Variants in EDNRA observed in about 807,000 individuals in gnomAD.
EDNRA encodes endothelin-1 receptor.
Under a neutral mutation model 41.4 loss-of-function variants are expected in EDNRA, and 11 were observed. The ratio of observed to expected loss-of-function variants is 0.27; its 90% confidence interval spans 0.17 to 0.44. The LOEUF (loss-of-function observed/expected upper bound fraction) is 0.44. Ranked by LOEUF, EDNRA falls within the 20% of genes least tolerant of loss-of-function variation. The probability of loss-of-function intolerance (pLI) is 1.00; values close to 1 mark genes in which losing one functional copy is unlikely to be tolerated. For synonymous variants in EDNRA, 172 were observed against 183.0 expected, an observed-to-expected ratio of 0.94 and a Z score of 0.49; for missense variants, 294 against 531.0, an observed-to-expected ratio of 0.55 and a Z score of 4.39.
chr4:147,485,125 A>T (rs913164973), intron 1 of EDNRA, among the ~76,000 whole-genome samples: 1 of 148,886 alleles, frequency 6.7e-6, no homozygotes. Flanking sequence ...TCAACTCTTG[A>T]AGATTTTTGT....
chr4:147,497,851 C>G (rs1052369038), intron 2 of EDNRA, among the ~76,000 whole-genome samples: 3 of 152,064 alleles, frequency 2.0e-5, no homozygotes, highest in Non-Finnish European at 2.9e-5. Context: ...GATTACAGGC[C>G]TGAGCCACCG....
intron 2 of EDNRA, among the ~76,000 whole-genome samples, chr4:147,505,700 G>A (rs1729686002): frequency 7.0e-6 from 1 of 142,650 alleles, no homozygotes; most frequent in Admixed American, 7.1e-5. Flanking sequence ...CCAGACTGGA[G>A]TGCAGTGGCG....
intron 2 of EDNRA, chr4:147,495,056 T>C (rs570172197): frequency 6.6e-6 from 1 of 152,174 alleles, no homozygotes; most frequent in Non-Finnish European, 1.5e-5. Flanking sequence ...TTACCTAAAG[T>C]GTAGCGTTTA....
intron 2 of EDNRA, chr4:147,487,861 T>G (rs1204537281): frequency 6.6e-6 from 1 of 152,246 alleles, no homozygotes; most frequent in Non-Finnish European, 1.5e-5. Context: ...TAAACTATGA[T>G]GCAAAATTGA....
chr4:147,485,782 T>G lies in EDNRA; in HGVS notation c.101T>G (p.Val34Gly), dbSNP rs1681328028. ...ERYSTNLSNH[V>G]DDFTTFRGTE... is the part of the protein sequence containing the mutation. The stretch of plus-strand genomic sequence containing the variant: ...TACAGCACAAATCTAAGCAATCATG[T>G]GGATGATTTCACCACTTTTCGTGGC... The change falls in exon 2 of 8, where the codon GTG becomes GGG. Residue 34 changes from valine (V) to glycine (G), a missense_variant. This residue lies in a region of EDNRA where 90 missense variants were observed against 122.8 expected (regional missense o/e 0.73). Coordinates refer to ENST00000651419, the MANE Select transcript of EDNRA (RefSeq NM_001957.4). 1 of 1,614,116 alleles carries G rather than the reference T, an allele frequency of 6.2e-7. No homozygotes were observed.
intron 2 of EDNRA, among the ~76,000 whole-genome samples, chr4:147,498,219 A>T (rs943193077): frequency 6.6e-6 from 1 of 152,190 alleles, no homozygotes; most frequent in Non-Finnish European, 1.5e-5. Context: ...TTGCAATCTC[A>T]TGAATAAGAG....
chr4:147,498,709 T>C (rs1057298698), intron 2 of EDNRA, among the ~76,000 whole-genome samples: 2 of 152,142 alleles, frequency 1.3e-5, no homozygotes, highest in Admixed American at 6.5e-5. Flanking sequence ...CTACCTCCAT[T>C]TGGACCCACA....
At position 147,543,748 on chromosome 4, in the gene EDNRA, G is replaced by C. The variant is rs1178115547; in HGVS notation, c.*1130G>C. 2 of 152,418 alleles carry C rather than the reference G, an allele frequency of 1.3e-5. No homozygotes were observed. Among genetic ancestry groups the C allele is most frequent in the African/African-American group, 4.8e-5 (2 of 41,362 alleles). The allele number at this position is 152,418 out of a possible 1,614,324, so 9.4% of individuals were successfully genotyped here. A position where few individuals can be genotyped will look rare whatever the true frequency, so the allele number is the denominator to read the frequency against. On this transcript the variant is annotated 3_prime_UTR_variant, in exon 8 of 8. Transcript: ENST00000651419. ...TTTTGATCATTCCCTTTTCCATATA[G>C]GAAACATAATTTTGAAGTGGCCAGA...
chr4:147,501,913 T>C (rs958084506), intron 2 of EDNRA, among the ~76,000 whole-genome samples: 1 of 152,222 alleles, frequency 6.6e-6, no homozygotes, highest in Non-Finnish European at 1.5e-5. Context: ...TGTATTACTT[T>C]GATATAAATT....
rs1272494995 is a variant in EDNRA, at chr4:147,511,271, TGTC to T, written c.421-8579_421-8577del. The stretch of plus-strand genomic sequence containing the variant: ...ATTAGTAAGCCAGCCATCCTGACTT[TGTC>T]TTCTATTTTGCTTAATGCCTCAATT... On this transcript the variant is annotated intron_variant, in intron 2 of 7. Coordinates refer to ENST00000651419, the MANE Select transcript of EDNRA (RefSeq NM_001957.4). Among the ~76,000 whole-genome samples the T allele has an allele frequency of 2.0e-5, 3 of 152,216 alleles. No homozygotes were observed. The East Asian group carries it at 5.8e-4, about 29-fold the overall frequency.
intron 2 of EDNRA, among the ~76,000 whole-genome samples, chr4:147,510,075 A>T (rs576381093): frequency 1.6e-4 from 25 of 152,296 alleles, no homozygotes; most frequent in African/African-American, 6.0e-4. Context: ...TAAGATGAAC[A>T]GTGTTGATCA....
At chr4:147,539,788 T>C (rs1205479806) in intron 5 of EDNRA, 29 bp from the exon 6 acceptor site, 1 of 1,599,680 alleles carries the variant, frequency 6.3e-7, no homozygotes, top group Non-Finnish European at 8.5e-7. Context: ...CTAAATTTGT[T>C]GTCCTATTTT....
intron 4 of EDNRA, among the ~76,000 whole-genome samples, chr4:147,533,953 T>A: frequency 6.6e-6 from 1 of 152,204 alleles, no homozygotes; most frequent in East Asian, 1.9e-4. Context: ...TAGAGTTCAT[T>A]CCAAGTCTGA....
intron 2 of EDNRA, among the ~76,000 whole-genome samples, chr4:147,497,629 T>C (rs1237280829): frequency 6.6e-6 from 1 of 152,068 alleles, no homozygotes; most frequent in Non-Finnish European, 1.5e-5. Context: ...TGGAGTGCAG[T>C]GGCGCGATCT....
intron 2 of EDNRA, among the ~76,000 whole-genome samples, chr4:147,512,991 A>AT (rs760485341): frequency 2.6e-5 from 4 of 152,128 alleles, no homozygotes; most frequent in Non-Finnish European, 4.4e-5. Flanking sequence ...GCCCACAGTA[A>AT]TCCTCTGTGG....
intron 4 of EDNRA, 25 bp downstream of exon 4, chr4:147,532,729 A>C: frequency 6.2e-7 from 1 of 1,610,908 alleles, no homozygotes; most frequent in Non-Finnish European, 8.5e-7. Flanking sequence ...AAAGGAATTA[A>C]CTGGGGAAGG....
At chr4:147,495,757 G>GT (rs1385588101) in intron 2 of EDNRA, 1 of 152,190 alleles carries the variant, frequency 6.6e-6, no homozygotes, top group African/African-American at 2.4e-5. Context: ...CTAGCCCATA[G>GT]TTTCAGCTGG....
intron 2 of EDNRA, among the ~76,000 whole-genome samples, chr4:147,500,486 G>A (rs1328623581): frequency 2.0e-5 from 3 of 152,230 alleles, no homozygotes; most frequent in Non-Finnish European, 4.4e-5. Context: ...GGGAGGCCAA[G>A]GCCAGAGGCT....
intron 2 of EDNRA, among the ~76,000 whole-genome samples, chr4:147,503,602 T>C (rs1461113955): frequency 6.6e-6 from 1 of 152,182 alleles, no homozygotes; most frequent in African/African-American, 2.4e-5. Flanking sequence ...ATTACCAAAA[T>C]TTTGAAAGGA....
Sources: allele counts gnomAD v4.1 joint callset (sites outside exome capture counted in the v4.1 genomes callset), GRCh38; gene constraint gnomAD v4.1.1; regional missense constraint gnomAD v4.1.1; transcripts MANE v1.5; gene names NCBI Gene and HGNC (gene_info 2026-07-23, HGNC 2026-07-21).